Variants in SIGLECL1 observed in about 807,000 individuals in gnomAD.
SIGLECL1 encodes the protein SIGLEC family-like protein 1.
A neutral mutation model predicts 19.1 loss-of-function variants in SIGLECL1; 16 were observed. That is an observed-to-expected ratio of 0.84 (90% CI 0.57 to 1.27). SIGLECL1 has a LOEUF of 1.27. Ranked by LOEUF, SIGLECL1 falls within the 50% of genes most tolerant of loss-of-function variation. The probability of loss-of-function intolerance (pLI) is 0.00; values close to 1 mark genes in which losing one functional copy is unlikely to be tolerated. For synonymous variants in SIGLECL1, 89 were observed against 90.4 expected (o/e 0.98, Z 0.09); for missense variants, 210 against 239.4 (o/e 0.88, Z 0.81).
chr19:51,261,632 TC>T (rs1164524490), intron 1 of SIGLECL1, among the ~76,000 whole-genome samples: 122 of 152,318 alleles, frequency 8.0e-4, no homozygotes, highest in African/African-American at 2.7e-3. Context: ...TTTGGTTGTG[TC>T]TTTTGTAAAC....
rs763730033 is a variant in SIGLECL1, at chr19:51,267,472, G to A, written c.510G>A (p.Leu170=). ...CAAGCCAAGAACTTGAGATGTCTCT[G>A]AAGCCTGAGGAACCAGGAAAACCCG... The part of the protein sequence containing the change: ...VRASQELEMS[L]KPEEPGKPVV... Residue 170 remains leucine, a synonymous_variant, in exon 5 of 6, where the codon CTG becomes CTA. Coordinates refer to ENST00000601727, the MANE Select transcript of SIGLECL1 (RefSeq NM_001385465.1). The A allele has an allele frequency of 1.2e-6, 2 of 1,614,222 alleles. No homozygotes were observed. The highest frequency in any genetic ancestry group is 3.3e-5 in the Admixed American group (2 of 60,028).
At chr19:51,255,420 C>A (rs942874792) in intron 1 of SIGLECL1, among the ~76,000 whole-genome samples, 4 of 151,922 alleles carry the variant, frequency 2.6e-5, no homozygotes, top group Non-Finnish European at 5.9e-5. Flanking sequence ...ACACAGGAAA[C>A]AAAAGCAAAA....
intron 4 of SIGLECL1, among the ~76,000 whole-genome samples, chr19:51,267,080 G>C (rs1188780096): frequency 2.0e-5 from 3 of 152,140 alleles, no homozygotes; most frequent in African/African-American, 7.2e-5. Flanking sequence ...AAACTGAGGA[G>C]CTATTTTCAA....
At chr19:51,248,156 A>T (rs1250811490), upstream of SIGLECL1, among the ~76,000 whole-genome samples, 1 of 139,890 alleles carries the variant, frequency 7.1e-6, no homozygotes, top group Non-Finnish European at 1.5e-5. Flanking sequence ...CATTTTCAAG[A>T]TGGCCGCTCC....
upstream of SIGLECL1, among the ~76,000 whole-genome samples, chr19:51,249,738 C>A (rs1982383803): frequency 6.6e-6 from 1 of 152,148 alleles, no homozygotes; most frequent in Admixed American, 6.5e-5. Flanking sequence ...GGTTCTGATC[C>A]AGACCCCAAG....
chr19:51,264,021 C>T lies in SIGLECL1; in HGVS notation c.-52C>T. 1 of 1,609,778 alleles carries T rather than the reference C, an allele frequency of 6.2e-7. No homozygotes were observed. Among genetic ancestry groups the T allele is most frequent in the Non-Finnish European group, 8.5e-7 (1 of 1,176,928 alleles). ...AACCATATGGTTCTGATGTCAGAGCCAGTGTAGTAAAGAGCTTCTGCTGTT... is the reference window on the plus strand; with the variant it reads ...AACCATATGGTTCTGATGTCAGAGCTAGTGTAGTAAAGAGCTTCTGCTGTT... On this transcript the variant is annotated 5_prime_UTR_variant, in exon 2 of 6. Coordinates refer to ENST00000601727, the MANE Select transcript of SIGLECL1 (RefSeq NM_001385465.1).
rs879362650 is a variant in SIGLECL1, at chr19:51,268,563, G to A, written c.568-8G>A. 5.0e-6 allele frequency: 8 copies of A among 1,613,724 alleles called. No homozygotes were observed. The highest frequency in any genetic ancestry group is 3.3e-5 in the Admixed American group (2 of 59,976). On this transcript the variant is annotated splice_polypyrimidine_tract_variant and splice_region_variant and intron_variant, in intron 5 of 5. Transcript: ENST00000601727. ...TTTTCTTTGTTCTATTTTGCACCTCGCTTTCAGGAAAAGCAAGATAAACGA... is the reference window on the plus strand; with the variant it reads ...TTTTCTTTGTTCTATTTTGCACCTCACTTTCAGGAAAAGCAAGATAAACGA...
chr19:51,259,212 T>C (rs1168794151), intron 1 of SIGLECL1, among the ~76,000 whole-genome samples: 6 of 151,988 alleles, frequency 3.9e-5, no homozygotes, highest in Non-Finnish European at 5.9e-5. Context: ...ACAAAGTGGA[T>C]GAGATTCAGG....
At chr19:51,262,408 TG>T (rs1245980913) in intron 1 of SIGLECL1, among the ~76,000 whole-genome samples, 1 of 152,216 alleles carries the variant, frequency 6.6e-6, no homozygotes, top group Non-Finnish European at 1.5e-5. Context: ...TTGTGTTGAT[TG>T]CATGTTGAAA....
At chr19:51,248,288 A>G (rs895680872), upstream of SIGLECL1, among the ~76,000 whole-genome samples, 4 of 152,230 alleles carry the variant, frequency 2.6e-5, no homozygotes, top group Non-Finnish European at 4.4e-5. Context: ...CTATTTAAAC[A>G]TTATACCCGA....
chr19:51,260,054 G>A (rs901664199), intron 1 of SIGLECL1, among the ~76,000 whole-genome samples: 3 of 152,186 alleles, frequency 2.0e-5, no homozygotes, highest in Non-Finnish European at 4.4e-5. Context: ...CAATGGCCTG[G>A]CCATATGGTC....
At position 51,262,967 on chromosome 19, in the gene SIGLECL1, C is replaced by T. The variant is rs544742903; in HGVS notation, c.-190-916C>T. On this transcript the variant is annotated intron_variant, in intron 1 of 5. Transcript: ENST00000601727. ...AAGCTACAGTGCAGTGGCGTGATCA[C>T]GGCTGACTGCAGCCTTGACCTCCCT... is the stretch of plus-strand genomic sequence containing the variant. 3.7e-4 allele frequency among the ~76,000 whole-genome samples: 56 copies of T among 152,296 alleles called. 1 individual carries two copies. Among genetic ancestry groups the T allele is most frequent in the African/African-American group, 1.0e-3 (43 of 41,560 alleles).
Position 51,265,376 on chromosome 19 carries a change from A to G in SIGLECL1, c.31A>G (p.Lys11Glu), listed in dbSNP as rs1983562908. ...ACCCTTCCTCCCCACAGTACCTGCT[A>G]AGCTGCTCAACTCCTCTTGCTCCTT... MLPLLQLVPA[K>E]LLNSSCSLEK... Residue 11 changes from lysine (K) to glutamate (E), a missense_variant, in exon 3 of 6, where the codon AAG becomes GAG. Transcript: ENST00000601727. 1 of 1,609,966 alleles carries G rather than the reference A, an allele frequency of 6.2e-7. No homozygotes were observed. Among genetic ancestry groups the G allele is most frequent in the Non-Finnish European group, 8.5e-7 (1 of 1,177,048 alleles).
upstream of SIGLECL1, among the ~76,000 whole-genome samples, chr19:51,246,618 A>T (rs976756570): frequency 5.3e-5 from 8 of 152,200 alleles, no homozygotes; most frequent in African/African-American, 1.9e-4. Flanking sequence ...CAGTGCCCTC[A>T]TACAAAGGCT....
intron 1 of SIGLECL1, among the ~76,000 whole-genome samples, chr19:51,254,722 G>A (rs749436684): frequency 2.6e-5 from 4 of 152,076 alleles, no homozygotes; most frequent in Non-Finnish European, 5.9e-5. Flanking sequence ...ATTAGGTAAT[G>A]GTGATGTCTG....
chr19:51,263,512 C>A (rs1032842957), intron 1 of SIGLECL1, among the ~76,000 whole-genome samples: 9 of 152,146 alleles, frequency 5.9e-5, no homozygotes, highest in African/African-American at 2.2e-4. Context: ...TGGCTTATGC[C>A]TGTAATCTCA....
In SIGLECL1 at chr19:51,253,007, G is replaced by A. The variant is rs117216763; in HGVS notation, c.-191+1462G>A. 2.5e-4 allele frequency among the ~76,000 whole-genome samples: 38 copies of A among 151,980 alleles called. 1 individual carries two copies. The East Asian group carries it at 7.2e-3, about 29-fold the overall frequency. ...CTGGACCTGGTGGCTTGTGCTTATA[G>A]TCCCAGCTACTCTGGAGGCTGAGGT... On this transcript the variant is annotated intron_variant, in intron 1 of 5. Coordinates refer to ENST00000601727, the MANE Select transcript of SIGLECL1 (RefSeq NM_001385465.1).
At position 51,265,581 on chromosome 19, in the gene SIGLECL1, G is replaced by C. The variant is rs778874793; in HGVS notation, c.236G>C (p.Gly79Ala). Residue 79 changes from glycine to alanine, a missense_variant, in exon 3 of 6, where the codon GGC becomes GCC. Gly to Ala is a moderately conservative substitution (Grantham distance 60). Coordinates refer to ENST00000601727, the MANE Select transcript of SIGLECL1 (RefSeq NM_001385465.1). ...AGCCTAACTGAAGAGCCAGAAATGGGCATGAGACTTCTCTGTGAGGGGAAG... is the reference window on the plus strand; with the variant it reads ...AGCCTAACTGAAGAGCCAGAAATGGCCATGAGACTTCTCTGTGAGGGGAAG... ...TISLTEEPEM[G>A]MRLLCEGKNQ... is the part of the protein sequence containing the mutation. The C allele has an allele frequency of 2.2e-5, 36 of 1,614,196 alleles. No homozygotes were observed. The South Asian group carries it at 4.0e-4, about 18-fold the overall frequency.
At chr19:51,250,286 T>C (rs907498395), upstream of SIGLECL1, among the ~76,000 whole-genome samples, 1 of 152,156 alleles carries the variant, frequency 6.6e-6, no homozygotes, top group African/African-American at 2.4e-5. Flanking sequence ...GGTTTCGCCA[T>C]GTTGGCAGGC....
Sources: allele counts gnomAD v4.1 joint callset (sites outside exome capture counted in the v4.1 genomes callset), GRCh38; gene constraint gnomAD v4.1.1; transcripts MANE v1.5; gene names NCBI Gene and HGNC (gene_info 2026-07-23, HGNC 2026-07-21).